Variants in ATXN1 observed in about 807,000 individuals in gnomAD.
The protein encoded by ATXN1 is ataxin-1.
In ATXN1, 8 loss-of-function variants were observed where a neutral mutation model predicts 56.4. The ratio of observed to expected loss-of-function variants is 0.14; its 90% CI spans 0.08 to 0.26. The LOEUF (loss-of-function observed/expected upper bound fraction) is 0.26. ATXN1 is among the 10% of genes least tolerant of loss of function. ATXN1 has a pLI of 1.00. For synonymous variants in ATXN1, 514 were observed against 494.6 expected, an observed-to-expected ratio of 1.04 and a Z score of -0.52; for missense variants, 987 against 1,106.5, an observed-to-expected ratio of 0.89 and a Z score of 1.53.
chr6:16,494,101 CT>C (rs1760725761), intron 5 of ATXN1, among the ~76,000 whole-genome samples: 1 of 9,090 alleles, frequency 1.1e-4, no homozygotes, highest in Non-Finnish European at 1.7e-4. Flanking sequence ...CAGTGCAGGG[CT>C]GGACTGAGAG....
At chr6:16,347,281 G>A (rs1761435795) in intron 6 of ATXN1, among the ~76,000 whole-genome samples, 1 of 152,266 alleles carries the variant, frequency 6.6e-6, no homozygotes, top group Non-Finnish European at 1.5e-5. Flanking sequence ...TCCACTAGGT[G>A]AAGCCAGCTG....
chr6:16,376,278 T>C (rs1033861814), intron 6 of ATXN1, among the ~76,000 whole-genome samples: 4 of 152,210 alleles, frequency 2.6e-5, no homozygotes, highest in Admixed American at 2.6e-4. Context: ...AATTACACTC[T>C]GGACTGAACA....
intron 3 of ATXN1, among the ~76,000 whole-genome samples, chr6:16,620,037 A>G (rs1343193112): frequency 6.6e-6 from 1 of 152,156 alleles, no homozygotes; most frequent in African/African-American, 2.4e-5. Flanking sequence ...TGAATTTTAC[A>G]TGTATGTAAA....
At chr6:16,454,123 CTCAAAAAAAAAAAAAAAA>C (rs1759815348) in intron 6 of ATXN1, among the ~76,000 whole-genome samples, 1 of 73,656 alleles carries the variant, frequency 1.4e-5, no homozygotes, top group African/African-American at 6.3e-5. Flanking sequence ...GAGACTCTGT[CTCAAAAAAAAAAAAAAAA>C]AAAAAAAAAA....
At chr6:16,455,070 T>C (rs1473949112) in intron 6 of ATXN1, among the ~76,000 whole-genome samples, 1 of 152,102 alleles carries the variant, frequency 6.6e-6, no homozygotes, top group Non-Finnish European at 1.5e-5. Context: ...GAAGACTGTA[T>C]TTACTGAGGA....
intron 4 of ATXN1, among the ~76,000 whole-genome samples, chr6:16,547,171 C>A (rs548226976): frequency 2.0e-5 from 3 of 152,148 alleles, no homozygotes. Context: ...AAATAAGAAG[C>A]AAATAAAAGG....
At chr6:16,516,793 A>G (rs1761191703) in intron 5 of ATXN1, among the ~76,000 whole-genome samples, 1 of 152,156 alleles carries the variant, frequency 6.6e-6, no homozygotes, top group South Asian at 2.1e-4. Context: ...GTATCTTTTA[A>G]TTGCCTTAAT....
intron 6 of ATXN1, among the ~76,000 whole-genome samples, chr6:16,382,359 A>T (rs1356049404): frequency 6.6e-6 from 1 of 151,286 alleles, no homozygotes; most frequent in Non-Finnish European, 1.5e-5. Flanking sequence ...GCAACTTGGG[A>T]GGCTGAGGTG....
rs1460798370 is a variant in ATXN1 at position 16,321,049 on chromosome 6, T to C, written c.1917+5345A>G. ...TTTCTCAGGGCCCGAGCCATCTAAG[T>C]TGAAGCAGGGAAGGGAAAACTAACA... On this transcript the variant is annotated intron_variant, in intron 7 of 7. Coordinates refer to ENST00000436367, the MANE Select transcript of ATXN1 (RefSeq NM_001128164.2). 3.3e-5 allele frequency among the ~76,000 whole-genome samples: 5 copies of C among 152,194 alleles called. 1 individual carries two copies. In the South Asian group the frequency reaches 8.3e-4, roughly 25 times the overall value.
intron 2 of ATXN1, among the ~76,000 whole-genome samples, chr6:16,699,553 CA>C (rs1759238053): frequency 6.6e-6 from 1 of 152,142 alleles, no homozygotes; most frequent in South Asian, 2.1e-4. Context: ...TTTGACTCAT[CA>C]GAGTGAGGTC....
chr6:16,389,309 CCTGAGTGACAGAGCGAG>C (rs1758303754), intron 6 of ATXN1, among the ~76,000 whole-genome samples: 1 of 149,398 alleles, frequency 6.7e-6, no homozygotes, highest in Non-Finnish European at 1.5e-5. Context: ...TGCACTCCAG[CCTGAGTGACAGAGCGAG>C]ACTCCATCTC....
chr6:16,333,611 T>C (rs1204464060), intron 6 of ATXN1, among the ~76,000 whole-genome samples: 2 of 152,216 alleles, frequency 1.3e-5, no homozygotes, highest in African/African-American at 4.8e-5. Flanking sequence ...CATGGCTGCC[T>C]GGCCTGTATA....
At chr6:16,340,885 T>A (rs565747557) in intron 6 of ATXN1, among the ~76,000 whole-genome samples, 1 of 152,184 alleles carries the variant, frequency 6.6e-6, no homozygotes, top group Non-Finnish European at 1.5e-5. Context: ...TATTACTCAG[T>A]GTAATGTCAC....
chr6:16,307,542 C>T (rs1010315491), intron 7 of ATXN1, among the ~76,000 whole-genome samples: 12 of 151,894 alleles, frequency 7.9e-5, no homozygotes, highest in East Asian at 3.9e-4. Context: ...TGCGTGGTGG[C>T]GGGCACCTGT....
At chr6:16,696,856 A>G (rs552978096) in intron 2 of ATXN1, among the ~76,000 whole-genome samples, 9 of 152,242 alleles carry the variant, frequency 5.9e-5, no homozygotes, top group South Asian at 2.1e-4. Context: ...CATTTCCAAG[A>G]GAAAGGTAGT....
chr6:16,479,938 G>T (rs911923984), intron 6 of ATXN1, among the ~76,000 whole-genome samples: 15 of 152,028 alleles, frequency 9.9e-5, no homozygotes, highest in Non-Finnish European at 2.1e-4. Context: ...GATCACTTGA[G>T]CTCAAGAGTT....
intron 2 of ATXN1, among the ~76,000 whole-genome samples, chr6:16,736,120 T>C (rs1278089778): frequency 1.3e-5 from 2 of 152,240 alleles, no homozygotes; most frequent in East Asian, 1.9e-4. Context: ...CAGAATTCAC[T>C]GATACATTAA....
chr6:16,313,307 T>G (rs193241667), intron 7 of ATXN1, among the ~76,000 whole-genome samples: 60 of 152,278 alleles, frequency 3.9e-4, no homozygotes, highest in African/African-American at 1.3e-3. Flanking sequence ...CAGCCAAACC[T>G]AAGTTCAGTT....
At chr6:16,407,181 T>C (rs1410937927) in intron 6 of ATXN1, among the ~76,000 whole-genome samples, 1 of 152,236 alleles carries the variant, frequency 6.6e-6, no homozygotes, top group African/African-American at 2.4e-5. Flanking sequence ...GAGTAATGAC[T>C]GTTAACTTGG....
Sources: allele counts gnomAD v4.1 joint callset (sites outside exome capture counted in the v4.1 genomes callset), GRCh38; gene constraint gnomAD v4.1.1; transcripts MANE v1.5; gene names NCBI Gene and HGNC (gene_info 2026-07-23, HGNC 2026-07-21).